CACNB4: variants seen among roughly 807,000 people sequenced by gnomAD.
CACNB4 encodes calcium voltage-gated channel auxiliary subunit beta 4.
Under a neutral mutation model 71.2 loss-of-function variants are expected in CACNB4, and 32 were observed. The ratio of observed to expected loss-of-function variants is 0.45; its 90% CI spans 0.34 to 0.60. The LOEUF is 0.60. CACNB4 is among the 20% of genes least tolerant of loss of function. The probability of loss-of-function intolerance (pLI) is 0.01; values close to 1 mark genes in which losing one functional copy is unlikely to be tolerated. For missense variants in CACNB4, 464 were observed against 647.9 expected (o/e 0.72, Z 3.08); for synonymous variants, 231 against 236.9 (o/e 0.97, Z 0.23).
At chr2:152,048,074 CTCAAGTTCAGTTGGGTAA>C (rs1489506337) in intron 2 of CACNB4, among the ~76,000 whole-genome samples, 1 of 152,138 alleles carries the variant, frequency 6.6e-6, no homozygotes, top group African/African-American at 2.4e-5. Context: ...GGTGAGAGGA[CTCAAGTTCAGTTGGGTAA>C]CACTGCTGAC....
intron 2 of CACNB4, among the ~76,000 whole-genome samples, chr2:151,922,470 T>A (rs1013321926): frequency 6.6e-6 from 1 of 152,220 alleles, no homozygotes; most frequent in Non-Finnish European, 1.5e-5. Flanking sequence ...CCCAAAGTGC[T>A]GGGATTAAAA....
intron 2 of CACNB4, among the ~76,000 whole-genome samples, chr2:151,976,770 C>T (rs536010306): frequency 6.6e-6 from 1 of 152,246 alleles, no homozygotes; most frequent in South Asian, 2.1e-4. Flanking sequence ...ATCTCTGCCC[C>T]AAGATTCTCT....
At chr2:152,009,780 G>A (rs957916934) in intron 2 of CACNB4, among the ~76,000 whole-genome samples, 1 of 152,200 alleles carries the variant, frequency 6.6e-6, no homozygotes, top group Non-Finnish European at 1.5e-5. Flanking sequence ...GGCTGTCTCT[G>A]AATCTGAGGT....
At chr2:151,906,594 G>A (rs1447172286) in intron 2 of CACNB4, among the ~76,000 whole-genome samples, 3 of 152,170 alleles carry the variant, frequency 2.0e-5, no homozygotes, top group East Asian at 1.9e-4. Context: ...ATAAAGGTGA[G>A]ATGAAACTCT....
intron 2 of CACNB4, among the ~76,000 whole-genome samples, chr2:151,994,100 A>G (rs1354129973): frequency 6.6e-6 from 1 of 151,792 alleles, no homozygotes; most frequent in Non-Finnish European, 1.5e-5. Flanking sequence ...TTAGCCCAGG[A>G]GTTTGAGGCT....
At chr2:151,850,801 CT>C (rs1353384014) in intron 12 of CACNB4, 2 of 152,188 alleles carry the variant, frequency 1.3e-5, no homozygotes, top group Non-Finnish European at 2.9e-5. Context: ...TAAGTGTTTT[CT>C]CAAACATTTT....
intron 4 of CACNB4, 72 bp downstream of exon 4, chr2:151,880,728 A>G (rs2099847612): frequency 1.3e-6 from 2 of 1,534,920 alleles, no homozygotes; most frequent in East Asian, 2.3e-5. Flanking sequence ...CTCTCTGGCT[A>G]GTTTGGCTCA....
chr2:152,010,672 G>T (rs1414204351), intron 2 of CACNB4, among the ~76,000 whole-genome samples: 1 of 152,210 alleles, frequency 6.6e-6, no homozygotes, highest in Non-Finnish European at 1.5e-5. Flanking sequence ...GGGTCACTCT[G>T]CTAGCAAGTG....
intron 2 of CACNB4, among the ~76,000 whole-genome samples, chr2:151,941,275 A>ATTTTT (rs11346045): frequency 5.3e-5 from 6 of 112,296 alleles, no homozygotes; most frequent in Non-Finnish European, 3.5e-5. Flanking sequence ...AAAATGGTTA[A>ATTTTT]TTTTTTTTTT....
chr2:151,981,513 C>A (rs963055319), intron 2 of CACNB4, among the ~76,000 whole-genome samples: 1 of 152,026 alleles, frequency 6.6e-6, no homozygotes, highest in African/African-American at 2.4e-5. Flanking sequence ...GTGGTAGGGG[C>A]TCTTCTTGGG....
chr2:151,879,150 T>C (rs565294640), intron 4 of CACNB4, among the ~76,000 whole-genome samples: 24 of 152,350 alleles, frequency 1.6e-4, no homozygotes, highest in Admixed American at 3.9e-4. Context: ...CCATGAGTCA[T>C]AGTTTCCTAG....
rs1559867835 is a variant in CACNB4, at chr2:151,853,308, GT to G, written c.1116+139del. 8.8e-6 allele frequency: 5 copies of G among 569,692 alleles called. No homozygotes were observed. In the South Asian group the frequency reaches 1.2e-4, roughly 13 times the overall value. The allele number at this position is 569,692 out of a possible 1,614,324, so 35.3% of individuals were successfully genotyped here. On this transcript the variant is annotated intron_variant, in intron 12 of 13. Coordinates refer to ENST00000539935, the MANE Select transcript of CACNB4 (RefSeq NM_000726.5). ...GAATACAAGCAACATAACAGCAGCAGTTTGTTCCAAGAAATCTTTTAGATGA... is the reference window on the plus strand; with the variant it reads ...GAATACAAGCAACATAACAGCAGCAGTTGTTCCAAGAAATCTTTTAGATGA...
At chr2:151,870,035 T>A in intron 8 of CACNB4, 1 of 569,358 alleles carries the variant, frequency 1.8e-6, no homozygotes, top group Admixed American at 3.3e-5. Context: ...ATGTTTTTAG[T>A]GGTCTTTTAA....
intron 8 of CACNB4, chr2:151,869,937 G>A (rs2099844178): frequency 2.2e-6 from 1 of 451,150 alleles, no homozygotes; most frequent in African/African-American, 2.0e-5. Context: ...TTTAATCCAA[G>A]CTAGCACAAA....
intron 2 of CACNB4, among the ~76,000 whole-genome samples, chr2:151,959,153 C>T (rs759095904): frequency 1.8e-4 from 28 of 152,158 alleles, no homozygotes; most frequent in Non-Finnish European, 3.4e-4. Flanking sequence ...GGATAATGGA[C>T]ACTTTTTATA....
chr2:152,077,623 G>A lies in CACNB4; in HGVS notation c.147+20707C>T, dbSNP rs1443795252. On this transcript the variant is annotated intron_variant, in intron 2 of 13. Coordinates refer to ENST00000539935, the MANE Select transcript of CACNB4 (RefSeq NM_000726.5). Reference sequence around the variant, plus strand: ...TGCACACCTGTAGTCCCAGCTACTCGGGAGGCTGGAGGCAGGAGAAACGCC... The same window carrying A: ...TGCACACCTGTAGTCCCAGCTACTCAGGAGGCTGGAGGCAGGAGAAACGCC... Among the ~76,000 whole-genome samples, 8 of 151,984 alleles carry A rather than the reference G, an allele frequency of 5.3e-5. No homozygotes were observed. In the East Asian group the frequency reaches 7.7e-4, roughly 15 times the overall value.
At chr2:151,857,408 T>G (rs763641099) in intron 10 of CACNB4, 1 of 152,224 alleles carries the variant, frequency 6.6e-6, no homozygotes, top group African/African-American at 2.4e-5. Flanking sequence ...TGAAAACAAG[T>G]GGGCTTATTT....
Position 151,935,352 on chromosome 2 carries a change from C to T in CACNB4, c.148-51982G>A, listed in dbSNP as rs184587661. ...TTTCTTCATTCGTAATAAGGCAACT[C>T]CTATTACACTTATATACCACAAAGG... On this transcript the variant is annotated intron_variant, in intron 2 of 13. Transcript: ENST00000539935. Among the ~76,000 whole-genome samples, 18 of 152,272 alleles carry T rather than the reference C, an allele frequency of 1.2e-4. No individual in the cohort carries two copies. In the East Asian group the frequency reaches 3.5e-3, roughly 29 times the overall value.
intron 2 of CACNB4, chr2:151,967,772 GA>G (rs923367973): frequency 4.6e-5 from 7 of 150,946 alleles, no homozygotes; most frequent in African/African-American, 1.2e-4. Context: ...TCCTCTGAAT[GA>G]AAAGGCTAAA....
Sources: allele counts gnomAD v4.1 joint callset (sites outside exome capture counted in the v4.1 genomes callset), GRCh38; gene constraint gnomAD v4.1.1; transcripts MANE v1.5; gene names NCBI Gene and HGNC (gene_info 2026-07-23, HGNC 2026-07-21).